DIO1: variants seen among roughly 807,000 people sequenced by gnomAD.
DIO1 encodes type I iodothyronine deiodinase.
A neutral mutation model predicts 25.9 loss-of-function variants in DIO1; 17 were observed. The observed-to-expected ratio is 0.66, with a 90% CI of 0.45 to 0.98. The LOEUF (loss-of-function observed/expected upper bound fraction) is 0.98. Ranked by LOEUF, DIO1 falls within the 50% of genes least tolerant of loss-of-function variation. The probability of loss-of-function intolerance (pLI) is 0.00; values close to 1 mark genes in which losing one functional copy is unlikely to be tolerated. For missense variants in DIO1, 270 were observed against 310.4 expected (o/e 0.87, Z 0.98); for synonymous variants, 115 against 114.0 (o/e 1.01, Z -0.05).
intron 3 of DIO1, among the ~76,000 whole-genome samples, chr1:53,907,170 C>T (rs766477204): frequency 3.9e-5 from 6 of 152,172 alleles, no homozygotes; most frequent in Admixed American, 1.3e-4. Flanking sequence ...AAATGCTGGA[C>T]GCAGGGATGT....
chr1:53,900,293 C>T (rs1470335353), intron 1 of DIO1, among the ~76,000 whole-genome samples: 1 of 152,150 alleles, frequency 6.6e-6, no homozygotes, highest in Non-Finnish European at 1.5e-5. Context: ...TTCTACACCT[C>T]CCAGAGGGGC....
intron 2 of DIO1, among the ~76,000 whole-genome samples, chr1:53,905,790 G>A (rs150307952): frequency 1.7e-3 from 259 of 152,304 alleles, no homozygotes; most frequent in Non-Finnish European, 3.3e-3. Flanking sequence ...TCGACAGACC[G>A]AATCAGAATC....
At chr1:53,899,188 T>A (rs190090917) in intron 1 of DIO1, among the ~76,000 whole-genome samples, 11 of 152,374 alleles carry the variant, frequency 7.2e-5, no homozygotes, top group Admixed American at 6.5e-4. Context: ...ACTTTCTGGA[T>A]ACCTGAGAGT....
intron 3 of DIO1, among the ~76,000 whole-genome samples, chr1:53,909,415 CA>C (rs1163452894): frequency 7.0e-5 from 10 of 143,852 alleles, no homozygotes; most frequent in African/African-American, 5.1e-5. Context: ...GACTCTGTCT[CA>C]AAAAAAAAAG....
chr1:53,906,166 C>T lies in DIO1; in HGVS notation c.553C>T (p.His185Tyr), dbSNP rs759168610. Residue 185 changes from histidine to tyrosine, a missense_variant, in exon 3 of 4, where the codon CAT becomes TAT. Coordinates refer to ENST00000361921, the MANE Select transcript of DIO1 (RefSeq NM_000792.7). ...CCTTCAGGATCGCCTGCAGGCAGCC[C>T]ATCTACTGCTGGCCAGGAGCCCCCA... ...QNLQDRLQAA[H>Y]LLLARSPQCP... 1 of 1,614,188 alleles carries T rather than the reference C, an allele frequency of 6.2e-7. No individual in the cohort carries two copies. The highest frequency in any genetic ancestry group is 1.1e-5 in the South Asian group (1 of 91,082).
chr1:53,905,937 T>C (rs544829542), intron 2 of DIO1, among the ~76,000 whole-genome samples, 158 bp from the exon 3 acceptor site: 1 of 152,314 alleles, frequency 6.6e-6, no homozygotes, highest in East Asian at 1.9e-4. Context: ...AATCACTAAT[T>C]CCTGACGTGA....
rs1167053733 is a variant in DIO1 at position 53,907,914 on chromosome 1, A to G, written c.681+1620A>G. Among the ~76,000 whole-genome samples the G allele has an allele frequency of 1.6e-3, 166 of 104,032 alleles. 3 individuals carry two copies. The highest frequency in any genetic ancestry group is 7.1e-3 in the African/African-American group (154 of 21,798). 68.2% of individuals were successfully genotyped at this position (104,032 alleles called of 152,430 possible). A position where few individuals can be genotyped will look rare whatever the true frequency, so the allele number is the denominator to read the frequency against. ...CAACAAGAGTGAAACTCTGTCTCGG[A>G]AAAAAAAAAAAAAAAAAAAAAATGA... On this transcript the variant is annotated intron_variant, in intron 3 of 3. Coordinates refer to ENST00000361921, the MANE Select transcript of DIO1 (RefSeq NM_000792.7).
chr1:53,904,837 C>T (rs766074470), intron 2 of DIO1, 28 bp downstream of exon 2: 3 of 1,596,966 alleles, frequency 1.9e-6, no homozygotes, highest in Non-Finnish European at 2.6e-6. Context: ...GCCTCTTCTA[C>T]CTCTTCCCAC....
Position 53,910,292 on chromosome 1 carries a change from T to C in DIO1, c.*293T>C, listed in dbSNP as rs80167704. 1.5e-3 allele frequency: 598 copies of C among 397,522 alleles called. 5 individuals carry two copies. Among genetic ancestry groups the C allele is most frequent in the African/African-American group, 0.011 (537 of 49,698 alleles). 24.6% of individuals were successfully genotyped at this position (397,522 alleles called of 1,614,324 possible). ...GTAGAGCCTGACACTGCTCCCACTT[T>C]GGAGACCACATTCCCTGCACACGGT... On this transcript the variant is annotated 3_prime_UTR_variant, in exon 4 of 4. Coordinates refer to ENST00000361921, the MANE Select transcript of DIO1 (RefSeq NM_000792.7).
chr1:53,907,298 G>A (rs1210156615), intron 3 of DIO1, among the ~76,000 whole-genome samples: 2 of 152,174 alleles, frequency 1.3e-5, no homozygotes, highest in Non-Finnish European at 1.5e-5. Context: ...AGTTGGCTTG[G>A]CCTCCCTTAA....
intron 3 of DIO1, among the ~76,000 whole-genome samples, chr1:53,907,133 G>C (rs1651695955): frequency 6.6e-6 from 1 of 152,176 alleles, no homozygotes. Context: ...AGTCTCAAGG[G>C]GAATGGAACC....
At chr1:53,906,317 C>T (rs766684293) in intron 3 of DIO1, 23 bp downstream of exon 3, 3 of 1,593,298 alleles carry the variant, frequency 1.9e-6, no homozygotes, top group African/African-American at 2.7e-5. Context: ...GGACAGGGGG[C>T]CCAGGGAGGG....
At position 53,910,745 on chromosome 1, in the gene DIO1, CT is replaced by C. The variant is rs1242711703; in HGVS notation, c.*750del. Reference sequence around the variant, plus strand: ...ACCCTGAAATCTTCCACTAGCCTCACTTTTCAACAGAGTCATCTAGAAGGGA... The same window carrying C: ...ACCCTGAAATCTTCCACTAGCCTCACTTTCAACAGAGTCATCTAGAAGGGA... On this transcript the variant is annotated 3_prime_UTR_variant, in exon 4 of 4. Transcript: ENST00000361921. The C allele has an allele frequency of 6.6e-6, 1 of 152,300 alleles. No homozygotes were observed. Among genetic ancestry groups the C allele is most frequent in the Non-Finnish European group, 1.5e-5 (1 of 68,070 alleles). 9.4% of individuals were successfully genotyped at this position (152,300 alleles called of 1,614,324 possible).
intron 3 of DIO1, among the ~76,000 whole-genome samples, chr1:53,907,808 G>A (rs1651727778): frequency 6.6e-6 from 1 of 151,070 alleles, no homozygotes; most frequent in Non-Finnish European, 1.5e-5. Flanking sequence ...CTACTTGAGA[G>A]GCTGAAGCAG....
intron 1 of DIO1, among the ~76,000 whole-genome samples, chr1:53,897,872 A>C (rs1370211088): frequency 6.6e-6 from 1 of 152,222 alleles, no homozygotes; most frequent in African/African-American, 2.4e-5. Flanking sequence ...TAAGTAAATA[A>C]AATTAAAAAT....
In DIO1 at chr1:53,910,649, T is replaced by C. The variant is rs1245074661; in HGVS notation, c.*650T>C. 2 of 152,896 alleles carry C rather than the reference T, an allele frequency of 1.3e-5. No individual in the cohort carries two copies. The highest frequency in any genetic ancestry group is 2.9e-5 in the Non-Finnish European group (2 of 68,572). The allele number at this position is 152,896 out of a possible 1,614,324, so 9.5% of individuals were successfully genotyped here. On this transcript the variant is annotated 3_prime_UTR_variant, in exon 4 of 4. Transcript: ENST00000361921. ...AGTTTCCATGGTAACACATCCCTAA[T>C]TTTACCAGGGAAGAGGAGAGTACTC...
chr1:53,904,611 T>C (rs1651546209), intron 1 of DIO1, 55 bp from the exon 2 acceptor site: 8 of 1,583,786 alleles, frequency 5.1e-6, no homozygotes, highest in Non-Finnish European at 6.9e-6. Flanking sequence ...AAATGGTGCT[T>C]GTAAAAGAAA....
At chr1:53,895,349 G>A (rs12070698) in intron 1 of DIO1, among the ~76,000 whole-genome samples, 34,213 of 152,016 alleles carry the variant, frequency 0.23, 4,078 homozygotes, top group African/African-American at 0.29. Context: ...CTTGAACCCC[G>A]GTGGCGGAGA....
rs1651870966 is a variant in DIO1, at chr1:53,910,073, T to C, written c.*74T>C. The C allele has an allele frequency of 3.6e-6, 5 of 1,382,162 alleles. No homozygotes were observed. 85.6% of individuals were successfully genotyped at this position (1,382,162 alleles called of 1,614,324 possible). A position where few individuals can be genotyped will look rare whatever the true frequency, so the allele number is the denominator to read the frequency against. The stretch of plus-strand genomic sequence containing the variant: ...GGCTTAGCTCTCCCTGAGACCCAGC[T>C]GGCTTTTACCCTTGACCTGTGTCCC... On this transcript the variant is annotated 3_prime_UTR_variant, in exon 4 of 4. Transcript: ENST00000361921.
Sources: gnomAD v4.1 joint callset for allele counts (sites outside exome capture counted in the v4.1 genomes callset) on GRCh38, gnomAD v4.1.1 for gene constraint, MANE v1.5 for transcripts, NCBI Gene and HGNC (gene_info 2026-07-23, HGNC 2026-07-21) for gene names.